LRRK2: variants seen among roughly 807,000 people sequenced by gnomAD.
The protein encoded by LRRK2 is leucine rich repeat kinase 2.
LRRK2 carries 203 observed loss-of-function variants against 302.6 expected under a neutral mutation model. The observed-to-expected ratio is 0.67, with a 90% confidence interval of 0.60 to 0.75. The LOEUF (loss-of-function observed/expected upper bound fraction) is 0.75, where lower values mean the gene tolerates loss of function less well. Among genes scored for constraint, LRRK2 ranks in the 30% least tolerant of loss-of-function variants. LRRK2 has a pLI of 0.00. For synonymous variants in LRRK2, 1,066 were observed against 1,031.9 expected (o/e 1.03, Z -0.63); for missense variants, 2,830 against 2,951.0 (o/e 0.96, Z 0.95).
At chr12:40,330,698 C>A (rs1464848361) in intron 39 of LRRK2, among the ~76,000 whole-genome samples, 1 of 152,150 alleles carries the variant, frequency 6.6e-6, no homozygotes, top group East Asian at 1.9e-4. Flanking sequence ...AGTCAAGGCT[C>A]TGCTTCTCTG....
At chr12:40,274,545 G>T in intron 14 of LRRK2, 38 bp from the exon 15 acceptor site, 1 of 1,608,742 alleles carries the variant, frequency 6.2e-7, no homozygotes. Context: ...TAAGTATTAA[G>T]ATCTCATTTT....
intron 14 of LRRK2, among the ~76,000 whole-genome samples, chr12:40,267,950 A>G (rs1215135853): frequency 2.0e-5 from 3 of 152,216 alleles, no homozygotes; most frequent in Non-Finnish European, 2.9e-5. Flanking sequence ...AGAGTTCCAA[A>G]TAAGGTAGAA....
rs116363639 is a variant in LRRK2, at chr12:40,357,429, A to T, written c.6843+1242A>T. ...GGGGATATAGGAATCCCTTTGATAT[A>T]CTGATTCCCTTTCCTTTAGATTAGT... On this transcript the variant is annotated intron_variant, in intron 46 of 50. Coordinates refer to ENST00000298910, the MANE Select transcript of LRRK2 (RefSeq NM_198578.4). Among the ~76,000 whole-genome samples the T allele has an allele frequency of 7.7e-3, 1,174 of 152,230 alleles. 16 individuals carry two copies. Among genetic ancestry groups the T allele is most frequent in the African/African-American group, 0.027 (1,125 of 41,522 alleles).
intron 21 of LRRK2, 99 bp downstream of exon 21, chr12:40,293,762 T>A: frequency 1.3e-6 from 1 of 794,762 alleles, no homozygotes; most frequent in Middle Eastern, 2.3e-4. Flanking sequence ...TTGGTAGGGA[T>A]TTCCCTGATG....
intron 2 of LRRK2, among the ~76,000 whole-genome samples, chr12:40,229,311 A>G (rs1941058136): frequency 6.6e-6 from 1 of 152,180 alleles, no homozygotes; most frequent in Admixed American, 6.5e-5. Context: ...CATTTAATTT[A>G]ATAGTAATTC....
rs1002407297 is a variant in LRRK2 at position 40,287,374 on chromosome 12, A to G, written c.2524A>G (p.Met842Val). 3.7e-6 allele frequency: 6 copies of G among 1,612,410 alleles called. No individual in the cohort carries two copies. In the Admixed American group the frequency reaches 5.0e-5, roughly 13 times the overall value. ...AGATATAGCATCTACACTAGCAAGA[A>G]TGGTGATCAGATATCAGATGAAAAG... The part of the protein sequence containing the change: ...QTNIASTLAR[M>V]VIRYQMKSAV... The change falls in exon 20 of 51, where the codon ATG (methionine) becomes GTG (valine). Residue 842 changes from methionine to valine, a missense_variant. Around this residue, in one of 3 missense-constraint regions of LRRK2, gnomAD observed 2,121 missense variants for 2,148.0 expected, o/e 0.99. Transcript: ENST00000298910.
intron 12 of LRRK2, among the ~76,000 whole-genome samples, chr12:40,257,718 T>A (rs958852921): frequency 1.3e-5 from 2 of 152,246 alleles, no homozygotes; most frequent in African/African-American, 2.4e-5. Flanking sequence ...AAAATCAGTT[T>A]ATGGCTAAAT....
Position 40,358,344 on chromosome 12 carries a change from A to G in LRRK2, c.6844-916A>G, listed in dbSNP as rs117083757. ...GAAATGTTTCCCCTGTTTCCTTTTAATAGTTTCATAGCTTCTGGTCTTACA... is the reference window on the plus strand; with the variant it reads ...GAAATGTTTCCCCTGTTTCCTTTTAGTAGTTTCATAGCTTCTGGTCTTACA... On this transcript the variant is annotated intron_variant, in intron 46 of 50. Transcript: ENST00000298910. 4.1e-3 allele frequency among the ~76,000 whole-genome samples: 626 copies of G among 152,158 alleles called. 26 individuals carry two copies. In the East Asian group the frequency reaches 0.08, roughly 19 times the overall value.
chr12:40,278,953 T>A (rs1943573313), intron 18 of LRRK2, among the ~76,000 whole-genome samples: 1 of 152,132 alleles, frequency 6.6e-6, no homozygotes, highest in Admixed American at 6.5e-5. Context: ...GTGAGTTGTG[T>A]GAAAATAACA....
chr12:40,260,849 G>A (rs1942738910), intron 13 of LRRK2, among the ~76,000 whole-genome samples: 1 of 152,128 alleles, frequency 6.6e-6, no homozygotes, highest in Non-Finnish European at 1.5e-5. Flanking sequence ...TGATCCCTAA[G>A]TATGAGGGAT....
At chr12:40,332,958 C>CA (rs1424461191) in intron 39 of LRRK2, among the ~76,000 whole-genome samples, 1 of 40,594 alleles carries the variant, frequency 2.5e-5, no homozygotes, top group Non-Finnish European at 5.7e-5. Context: ...TGCTTCTTCT[C>CA]TTAAAAAAAA....
At chr12:40,342,191 TC>T (rs1946064880) in intron 41 of LRRK2, among the ~76,000 whole-genome samples, 1 of 152,174 alleles carries the variant, frequency 6.6e-6, no homozygotes, top group African/African-American at 2.4e-5. Context: ...GAGCTCTGCT[TC>T]TTCACTCTGT....
chr12:40,287,354 T>C lies in LRRK2; in HGVS notation c.2504T>C (p.Ile835Thr), dbSNP rs1359938859. ...KTSNLRKQTN[I>T]ASTLARMVIR... ...CTGGTGTATCTCTTATTTTCAGATATAGCATCTACACTAGCAAGAATGGTG... is the reference window on the plus strand; with the variant it reads ...CTGGTGTATCTCTTATTTTCAGATACAGCATCTACACTAGCAAGAATGGTG... Residue 835 changes from isoleucine to threonine, a missense_variant, in exon 20 of 51, where the codon ATA becomes ACA. By Grantham distance (89) the Ile-to-Thr change is moderately conservative. This residue lies in a region of LRRK2 where 2,121 missense variants were observed against 2,148.0 expected (regional missense o/e 0.99). Coordinates refer to ENST00000298910, the MANE Select transcript of LRRK2 (RefSeq NM_198578.4). 6.2e-6 allele frequency: 10 copies of C among 1,611,266 alleles called. No homozygotes were observed. Among genetic ancestry groups the C allele is most frequent in the Non-Finnish European group, 8.5e-6 (10 of 1,178,284 alleles).
intron 20 of LRRK2, among the ~76,000 whole-genome samples, chr12:40,288,701 T>C (rs1317715714): frequency 2.0e-5 from 3 of 151,910 alleles, no homozygotes; most frequent in Non-Finnish European, 4.4e-5. Flanking sequence ...ATGTAGAGGA[T>C]GTTTTCATGT....
At chr12:40,304,407 C>T (rs563012236) in intron 27 of LRRK2, 37 of 521,074 alleles carry the variant, frequency 7.1e-5, no homozygotes, top group Admixed American at 1.1e-4. Context: ...CTTAATACTT[C>T]CACTAAACAA....
intron 31 of LRRK2, among the ~76,000 whole-genome samples, chr12:40,311,356 T>A (rs2069228): frequency 0.69 from 104,963 of 151,544 alleles, 36,656 homozygotes; most frequent in African/African-American, 0.77. Context: ...CTTTTTTTTT[T>A]AAATACTTGG....
At chr12:40,327,524 T>C (rs1945589715) in intron 38 of LRRK2, among the ~76,000 whole-genome samples, 1 of 152,012 alleles carries the variant, frequency 6.6e-6, no homozygotes, top group South Asian at 2.1e-4. Context: ...GAATGAGAAG[T>C]AGAACAAGAG....
At chr12:40,358,570 A>G (rs1419999754) in intron 46 of LRRK2, among the ~76,000 whole-genome samples, 4 of 151,984 alleles carry the variant, frequency 2.6e-5, no homozygotes, top group African/African-American at 7.2e-5. Flanking sequence ...GGTCCTCTAC[A>G]TTGGTCTACC....
intron 7 of LRRK2, among the ~76,000 whole-genome samples, chr12:40,249,519 G>C (rs1449174489): frequency 6.6e-6 from 1 of 152,076 alleles, no homozygotes; most frequent in African/African-American, 2.4e-5. Context: ...AATGAATATT[G>C]TCGTGCCGTG....
Sources: allele counts gnomAD v4.1 joint callset (sites outside exome capture counted in the v4.1 genomes callset), GRCh38; gene constraint gnomAD v4.1.1; regional missense constraint gnomAD v4.1.1; transcripts MANE v1.5; gene names NCBI Gene and HGNC (gene_info 2026-07-23, HGNC 2026-07-21).